Variants in SLFN12 observed in about 807,000 individuals in gnomAD.
The protein encoded by SLFN12 is ribonuclease SLFN12.
SLFN12 carries 25 observed loss-of-function variants against 29.1 expected under a neutral mutation model. That is an observed-to-expected ratio of 0.86 (90% confidence interval 0.63 to 1.20). The LOEUF is 1.20. Ranked by LOEUF, SLFN12 falls within the 50% of genes most tolerant of loss-of-function variation. The pLI is 0.00. For synonymous variants in SLFN12, 257 were observed against 238.7 expected (o/e 1.08, Z -0.71); for missense variants, 660 against 666.2 (o/e 0.99, Z 0.10).
At chr17:35,420,223 G>A (rs1161697252) in intron 3 of SLFN12, 51 bp downstream of exon 3, 1 of 1,290,176 alleles carries the variant, frequency 7.8e-7, no homozygotes, top group Admixed American at 1.8e-5. Context: ...AAGAGAAAGA[G>A]GTTTGACTAC....
Position 35,420,270 on chromosome 17 carries a change from T to C in SLFN12, c.1147+4A>G. On this transcript the variant is annotated splice_donor_region_variant and intron_variant, in intron 3 of 3. Transcript: ENST00000304905. ...CAAATCCGAAGAAGCCAGAATGAAA[T>C]TACCTGGACAGTGATGTCTCTGCCG... The C allele has an allele frequency of 6.2e-7, 1 of 1,601,312 alleles. No individual in the cohort carries two copies. The highest frequency in any genetic ancestry group is 1.3e-5 in the African/African-American group (1 of 74,646).
At chr17:35,414,761 G>T (rs35321169) in intron 3 of SLFN12, among the ~76,000 whole-genome samples, 14,187 of 151,760 alleles carry the variant, frequency 0.093, 2,093 homozygotes, top group African/African-American at 0.31. Flanking sequence ...CAATCCCTCC[G>T]ACAACAGCTG....
intron 3 of SLFN12, among the ~76,000 whole-genome samples, chr17:35,417,116 C>T (rs1377996048): frequency 6.6e-6 from 1 of 152,052 alleles, no homozygotes; most frequent in African/African-American, 2.4e-5. Context: ...GAAAACTATT[C>T]TTAGACCTTG....
intron 2 of SLFN12, chr17:35,420,747 CTGCTAGTACTGGTCCAAT>C (rs917906730): frequency 1.1e-5 from 2 of 187,502 alleles, no homozygotes; most frequent in Non-Finnish European, 2.2e-5. Context: ...ATTTTATAAG[CTGCTAGTACTGGTCCAAT>C]TGCTAGTACT....
At chr17:35,421,630 C>G (rs1262779546) in intron 2 of SLFN12, among the ~76,000 whole-genome samples, 2 of 150,854 alleles carry the variant, frequency 1.3e-5, no homozygotes, top group Non-Finnish European at 2.9e-5. Flanking sequence ...ACCTCCGCCA[C>G]CTGGCTTCAA....
In SLFN12 at chr17:35,429,098, C is replaced by T. The variant is rs529812134; in HGVS notation, c.-41+3090G>A. 9.9e-5 allele frequency among the ~76,000 whole-genome samples: 15 copies of T among 152,236 alleles called. No individual in the cohort carries two copies. The South Asian group carries it at 3.1e-3, about 32-fold the overall frequency. ...CAGCCTCTCTAACTAGAGTCTTGTC[C>T]CCTTTCCTCTTAGCCCACCTTTCTG... is the stretch of plus-strand genomic sequence containing the variant. On this transcript the variant is annotated intron_variant, in intron 1 of 3. Coordinates refer to ENST00000304905, the MANE Select transcript of SLFN12 (RefSeq NM_018042.5).
At chr17:35,420,233 C>T (rs1911542394) in intron 3 of SLFN12, 41 bp downstream of exon 3, 3 of 1,387,122 alleles carry the variant, frequency 2.2e-6, no homozygotes, top group Non-Finnish European at 2.0e-6. Flanking sequence ...GGTTTGACTA[C>T]AGTCACACTA....
intron 3 of SLFN12, 63 bp from the exon 4 acceptor site, chr17:35,411,990 C>A (rs1237102023): frequency 4.7e-6 from 6 of 1,277,266 alleles, no homozygotes; most frequent in Non-Finnish European, 6.3e-6. Flanking sequence ...TAAGCCATGG[C>A]AAAGTAGCTT....
intron 1 of SLFN12, among the ~76,000 whole-genome samples, chr17:35,428,784 C>T (rs745646347): frequency 1.3e-5 from 2 of 152,078 alleles, no homozygotes; most frequent in African/African-American, 4.8e-5. Context: ...CATAATTATG[C>T]TAGAAAGCAG....
chr17:35,424,591 A>T (rs1029706552), intron 1 of SLFN12, among the ~76,000 whole-genome samples: 1 of 152,310 alleles, frequency 6.6e-6, no homozygotes, highest in Non-Finnish European at 1.5e-5. Flanking sequence ...AGTAATTGCT[A>T]TACTAGAAAA....
intron 1 of SLFN12, among the ~76,000 whole-genome samples, chr17:35,427,835 A>G (rs770701818): frequency 3.2e-4 from 48 of 152,258 alleles, no homozygotes; most frequent in Non-Finnish European, 5.4e-4. Context: ...GGGTATGCTA[A>G]TCACACAGTC....
intron 3 of SLFN12, among the ~76,000 whole-genome samples, chr17:35,419,757 A>G (rs928688403): frequency 1.3e-5 from 2 of 152,134 alleles, no homozygotes; most frequent in African/African-American, 4.8e-5. Context: ...CTGAGCCAAC[A>G]ATTCTACTCC....
intron 2 of SLFN12, among the ~76,000 whole-genome samples, chr17:35,421,762 T>G (rs1138033): frequency 3.1e-4 from 47 of 151,958 alleles, no homozygotes; most frequent in Admixed American, 7.9e-4. Context: ...GGATGGTCTC[T>G]ATCTCCTGAC....
At chr17:35,427,644 A>G (rs1912087802) in intron 1 of SLFN12, among the ~76,000 whole-genome samples, 1 of 152,198 alleles carries the variant, frequency 6.6e-6, no homozygotes, top group Admixed American at 6.5e-5. Context: ...AATATAGTAT[A>G]TACAACAAGT....
intron 1 of SLFN12, 32 bp from the exon 2 acceptor site, chr17:35,423,100 C>T (rs1911805126): frequency 6.6e-7 from 1 of 1,522,062 alleles, no homozygotes; most frequent in African/African-American, 1.4e-5. Flanking sequence ...TAGAATAGGA[C>T]CTGAACTAGA....
chr17:35,424,217 T>C (rs1410045299), intron 1 of SLFN12, among the ~76,000 whole-genome samples: 1 of 152,160 alleles, frequency 6.6e-6, no homozygotes, highest in East Asian at 1.9e-4. Context: ...TTAAGAAGTG[T>C]GACTTAAGTT....
chr17:35,413,414 C>T (rs1395882095), intron 3 of SLFN12, among the ~76,000 whole-genome samples: 1 of 151,956 alleles, frequency 6.6e-6, no homozygotes, highest in Admixed American at 6.6e-5. Context: ...TGCAAAAATT[C>T]TCAACAAAAT....
At chr17:35,428,907 C>G (rs1382775277) in intron 1 of SLFN12, among the ~76,000 whole-genome samples, 3 of 152,076 alleles carry the variant, frequency 2.0e-5, no homozygotes, top group Non-Finnish European at 2.9e-5. Flanking sequence ...GCCCCAAAGG[C>G]AAGTCCACCT....
At chr17:35,431,208 C>A (rs1031979502) in intron 1 of SLFN12, among the ~76,000 whole-genome samples, 1 of 152,112 alleles carries the variant, frequency 6.6e-6, no homozygotes, top group Non-Finnish European at 1.5e-5. Flanking sequence ...ATTTGAGAAA[C>A]CAAACATTGG....
Sources: allele counts gnomAD v4.1 joint callset (sites outside exome capture counted in the v4.1 genomes callset), GRCh38; gene constraint gnomAD v4.1.1; transcripts MANE v1.5; gene names NCBI Gene and HGNC (gene_info 2026-07-23, HGNC 2026-07-21).